Variants in REDIC1 observed in about 807,000 individuals in gnomAD.
REDIC1 encodes HEI10 Interacting Protein 1.
the REDIC1 span, among the ~76,000 whole-genome samples, chr12:39,821,078 G>A: frequency 1.3e-5 from 2 of 151,876 alleles, no homozygotes; most frequent in Admixed American, 1.3e-4. Flanking sequence ...TCACTGCCCT[G>A]TACTATTATT....
the REDIC1 span, among the ~76,000 whole-genome samples, chr12:39,746,785 C>A: frequency 6.6e-6 from 1 of 152,222 alleles, no homozygotes; most frequent in South Asian, 2.1e-4. Context: ...CGCTGTTATG[C>A]AGCCTCCGCT....
the REDIC1 span, among the ~76,000 whole-genome samples, chr12:39,901,534 C>T: frequency 2.1e-4 from 28 of 132,148 alleles, no homozygotes; most frequent in African/African-American, 8.0e-4. Context: ...GGGCAAAGGA[C>T]ATGAACAGAC....
At chr12:39,711,832 T>TGTGTGTGTACAC in the REDIC1 span, among the ~76,000 whole-genome samples, 4 of 8,778 alleles carry the variant, frequency 4.6e-4, no homozygotes, top group African/African-American at 1.5e-3. Context: ...TGCATGTGTA[T>TGTGTGTGTACAC]ATGTGTGTAT....
chr12:39,722,943 C>T, the REDIC1 span, among the ~76,000 whole-genome samples: 1 of 152,052 alleles, frequency 6.6e-6, no homozygotes, highest in Non-Finnish European at 1.5e-5. Context: ...AGGATGGAGA[C>T]GTTGAGTAAA....
chr12:39,813,024 T>TTTTTTTTTTTTTA, the REDIC1 span, among the ~76,000 whole-genome samples: 6 of 134,980 alleles, frequency 4.4e-5, 1 homozygote, highest in East Asian at 1.3e-3. Flanking sequence ...TTTTTTTTTT[T>TTTTTTTTTTTTTA]AGTAGAGATG....
At chr12:39,737,875 G>A in the REDIC1 span, among the ~76,000 whole-genome samples, 13 of 152,152 alleles carry the variant, frequency 8.5e-5, no homozygotes, top group Non-Finnish European at 1.6e-4. Flanking sequence ...CCTGATTTGT[G>A]TGTAGCTACA....
chr12:39,782,843 C>T, the REDIC1 span, among the ~76,000 whole-genome samples: 6 of 152,074 alleles, frequency 3.9e-5, no homozygotes, highest in Non-Finnish European at 7.4e-5. Flanking sequence ...TGTTGAAAAA[C>T]GGAGCAAAGG....
the REDIC1 span, chr12:39,755,860 A>G: frequency 4.7e-4 from 72 of 152,180 alleles, no homozygotes; most frequent in African/African-American, 1.5e-3. Flanking sequence ...TACGGATAAA[A>G]TACTTTCATG....
chr12:39,642,146 G>A, the REDIC1 span, among the ~76,000 whole-genome samples: 1 of 151,688 alleles, frequency 6.6e-6, no homozygotes, highest in Non-Finnish European at 1.5e-5. Flanking sequence ...TTTACCAAGT[G>A]AGACTTGACA....
At chr12:39,648,011 A>G in the REDIC1 span, 7 of 1,311,684 alleles carry the variant, frequency 5.3e-6, no homozygotes, top group African/African-American at 3.1e-5. Context: ...AGCATTTTAT[A>G]TAATTATATT....
At chr12:39,835,509 C>T in the REDIC1 span, among the ~76,000 whole-genome samples, 197 of 152,098 alleles carry the variant, frequency 1.3e-3, no homozygotes, top group Middle Eastern at 3.4e-3. Context: ...AAAGGAATTG[C>T]GGAATGAATT....
the REDIC1 span, among the ~76,000 whole-genome samples, chr12:39,807,845 G>T: frequency 6.6e-6 from 1 of 152,028 alleles, no homozygotes; most frequent in Non-Finnish European, 1.5e-5. Flanking sequence ...GGAGAATCTT[G>T]TCTGTGATGA....
the REDIC1 span, among the ~76,000 whole-genome samples, chr12:39,893,790 C>A: frequency 2.0e-5 from 3 of 152,172 alleles, no homozygotes; most frequent in Non-Finnish European, 4.4e-5. Context: ...AATACATTTT[C>A]TGCAATTTAC....
the REDIC1 span, among the ~76,000 whole-genome samples, chr12:39,711,731 GTGTGTATGTGTGTATACACATGCA>G: frequency 2.2e-4 from 2 of 9,240 alleles, no homozygotes; most frequent in South Asian, 2.9e-3. Flanking sequence ...GCACATGCAT[GTGTGTATGTGTGTATACACATGCA>G]TGTGTATGTG....
chr12:39,634,458 C>T, the REDIC1 span, among the ~76,000 whole-genome samples: 2 of 152,110 alleles, frequency 1.3e-5, no homozygotes, highest in African/African-American at 2.4e-5. Flanking sequence ...TGGAACAGAA[C>T]AGAAGCCTCA....
the REDIC1 span, among the ~76,000 whole-genome samples, chr12:39,787,561 T>G: frequency 6.6e-6 from 1 of 152,224 alleles, no homozygotes; most frequent in African/African-American, 2.4e-5. Flanking sequence ...AATCACATTT[T>G]GATATACTTT....
At chr12:39,743,521 G>T in the REDIC1 span, among the ~76,000 whole-genome samples, 1 of 152,188 alleles carries the variant, frequency 6.6e-6, no homozygotes, top group Non-Finnish European at 1.5e-5. Flanking sequence ...TCACGTACCA[G>T]ACTCAGATAT....
At chr12:39,638,084 C>T in the REDIC1 span, among the ~76,000 whole-genome samples, 7,082 of 151,390 alleles carry the variant, frequency 0.047, 222 homozygotes, top group East Asian at 0.076. Context: ...CTATAGAAGC[C>T]GAAAAAACAA....
At chr12:39,782,750 T>C in the REDIC1 span, among the ~76,000 whole-genome samples, 1 of 152,136 alleles carries the variant, frequency 6.6e-6, no homozygotes, top group African/African-American at 2.4e-5. Flanking sequence ...TAAAGACATG[T>C]TGAATGGCTT....
Sources: gnomAD v4.1 joint callset for allele counts (sites outside exome capture counted in the v4.1 genomes callset) on GRCh38, gnomAD v4.1.1 for gene constraint, MANE v1.5 for transcripts, NCBI Gene and HGNC (gene_info 2026-07-23, HGNC 2026-07-21) for gene names.